The following MBNL2 variants were observed in gnomAD, a reference collection of about 807,000 sequenced individuals.
MBNL2 encodes the protein muscleblind like splicing regulator 2, also known as muscleblind-like protein 2.
Under a neutral mutation model 41.9 loss-of-function variants are expected in MBNL2, and 17 were observed. The observed-to-expected ratio is 0.41, with a 90% CI of 0.28 to 0.61. The LOEUF (loss-of-function observed/expected upper bound fraction) is 0.61, where lower values mean the gene tolerates loss of function less well. Among genes scored for constraint, MBNL2 ranks in the 20% least tolerant of loss-of-function variants. MBNL2 has a pLI of 0.35. For missense variants in MBNL2, 336 were observed against 505.6 expected (o/e 0.66, Z 3.22); for synonymous variants, 195 against 182.9 (o/e 1.07, Z -0.53).
At chr13:97,194,014 A>G in the MBNL2 span, among the ~76,000 whole-genome samples, 1 of 152,184 alleles carries the variant, frequency 6.6e-6, no homozygotes, top group African/African-American at 2.4e-5. Context: ...CTTCCACAAC[A>G]TTCTTCACTC....
chr13:97,364,868 CAT>C (rs1177125065), intron 7 of MBNL2, among the ~76,000 whole-genome samples: 1 of 152,174 alleles, frequency 6.6e-6, no homozygotes, highest in East Asian at 1.9e-4. Context: ...GGCATTATCA[CAT>C]GTCATTCTTA....
chr13:97,145,370 AAGAG>A, the MBNL2 span, among the ~76,000 whole-genome samples: 1 of 152,218 alleles, frequency 6.6e-6, no homozygotes, highest in African/African-American at 2.4e-5. Context: ...TTGGTAATGA[AAGAG>A]AGAAAAGAGA....
the MBNL2 span, among the ~76,000 whole-genome samples, chr13:97,169,740 G>T: frequency 6.6e-6 from 1 of 152,148 alleles, no homozygotes; most frequent in Non-Finnish European, 1.5e-5. Context: ...TTATGACTGT[G>T]CCAATCTTTC....
At chr13:97,236,418 G>A (rs1399160820) in intron 1 of MBNL2, among the ~76,000 whole-genome samples, 3 of 152,038 alleles carry the variant, frequency 2.0e-5, no homozygotes, top group African/African-American at 7.2e-5. Context: ...GTGCTCCTGG[G>A]GCTCTGCTAA....
Position 97,392,771 on chromosome 13 carries a change from C to G in MBNL2, c.*1322C>G, listed in dbSNP as rs1454525770. The G allele has an allele frequency of 6.6e-6, 1 of 152,150 alleles. No homozygotes were observed. The highest frequency in any genetic ancestry group is 2.1e-4 in the South Asian group (1 of 4,814). 9.4% of individuals were successfully genotyped at this position (152,150 alleles called of 1,614,324 possible). A position where few individuals can be genotyped will look rare whatever the true frequency, so the allele number is the denominator to read the frequency against. ...TATGTTGCACATAGCCTATACAGTA[C>G]CTACATAGTTTTTAAATTATTGTTT... On this transcript the variant is annotated 3_prime_UTR_variant, in exon 9 of 9. Coordinates refer to ENST00000679496, the MANE Select transcript of MBNL2 (RefSeq NM_001382683.1).
At chr13:97,173,135 G>A in the MBNL2 span, among the ~76,000 whole-genome samples, 15 of 152,170 alleles carry the variant, frequency 9.9e-5, no homozygotes, top group Non-Finnish European at 1.3e-4. Context: ...ATAATATAAC[G>A]ATGAATGGAT....
intron 3 of MBNL2, among the ~76,000 whole-genome samples, chr13:97,339,946 A>G (rs556702158): frequency 6.6e-6 from 1 of 151,372 alleles, no homozygotes; most frequent in African/African-American, 2.4e-5. Flanking sequence ...AGAAGAGTGG[A>G]CATGGCCTCA....
At chr13:97,187,241 A>G in the MBNL2 span, among the ~76,000 whole-genome samples, 1 of 152,160 alleles carries the variant, frequency 6.6e-6, no homozygotes, top group Non-Finnish European at 1.5e-5. Context: ...CTGTTTATAA[A>G]AGATAGTCTT....
At chr13:97,245,108 C>A (rs79490661) in intron 1 of MBNL2, among the ~76,000 whole-genome samples, 2 of 152,066 alleles carry the variant, frequency 1.3e-5, no homozygotes, top group East Asian at 3.9e-4. Flanking sequence ...GTAAATATTC[C>A]CATTAGGATT....
the MBNL2 span, among the ~76,000 whole-genome samples, chr13:97,212,636 G>A: frequency 1.3e-5 from 2 of 152,146 alleles, no homozygotes; most frequent in Non-Finnish European, 2.9e-5. Flanking sequence ...CCCTGGAAAG[G>A]TTACTTAATC....
chr13:97,341,387 C>T (rs1317431041), intron 3 of MBNL2, among the ~76,000 whole-genome samples: 1 of 152,148 alleles, frequency 6.6e-6, no homozygotes, highest in Non-Finnish European at 1.5e-5. Flanking sequence ...AGTCCGTAAA[C>T]CATTTAAATC....
the MBNL2 span, among the ~76,000 whole-genome samples, chr13:97,214,173 A>G: frequency 6.9e-6 from 1 of 145,610 alleles, no homozygotes; most frequent in East Asian, 2.0e-4. Context: ...AGCATCAAAG[A>G]AATAGAAAAT....
rs1310746264 is a variant in MBNL2, at chr13:97,334,142, G to GCACACC, written c.175-128_175-123dup. ...CCAACAAACACATGAGCATGCGCGC[G>GCACACC]CACACCCACACACACACACACACAC... On this transcript the variant is annotated intron_variant, in intron 2 of 8. Transcript: ENST00000679496. The surrounding 1 kb of genome is among the most constrained non-coding windows in gnomAD (Gnocchi z 5.3). 5.3e-4 allele frequency: 198 copies of GCACACC among 371,842 alleles called. No individual in the cohort carries two copies. Among genetic ancestry groups the GCACACC allele is most frequent in the Non-Finnish European group, 7.8e-4 (166 of 212,614 alleles). 23.0% of individuals were successfully genotyped at this position (371,842 alleles called of 1,614,324 possible).
At chr13:97,313,918 G>C (rs916980547) in intron 2 of MBNL2, among the ~76,000 whole-genome samples, 1 of 152,170 alleles carries the variant, frequency 6.6e-6, no homozygotes, top group Non-Finnish European at 1.5e-5. Context: ...TTGGGAGTTT[G>C]ACATAATGCA....
the MBNL2 span, among the ~76,000 whole-genome samples, chr13:97,182,453 CTTCCTCCACT>C: frequency 6.6e-6 from 1 of 152,130 alleles, no homozygotes; most frequent in Non-Finnish European, 1.5e-5. Flanking sequence ...TTTCCTCTAC[CTTCCTCCACT>C]ATCTTATATG....
intron 2 of MBNL2, among the ~76,000 whole-genome samples, chr13:97,319,943 A>G (rs921000183): frequency 6.6e-6 from 1 of 152,154 alleles, no homozygotes; most frequent in Admixed American, 6.5e-5. Context: ...GGGGGTTGTT[A>G]TAGTTTATTT....
chr13:97,297,173 A>G (rs1337846088), intron 2 of MBNL2, among the ~76,000 whole-genome samples: 1 of 152,004 alleles, frequency 6.6e-6, no homozygotes, highest in African/African-American at 2.4e-5. Flanking sequence ...TTCTTCCTCC[A>G]TCTCTGCCTT....
chr13:97,211,269 C>T, the MBNL2 span, among the ~76,000 whole-genome samples: 1 of 152,048 alleles, frequency 6.6e-6, no homozygotes, highest in Non-Finnish European at 1.5e-5. Flanking sequence ...GACTGCTTTG[C>T]GAAATAAAAT....
chr13:97,342,960 T>A, intron 3 of MBNL2, 56 bp from the exon 4 acceptor site: 1 of 1,143,078 alleles, frequency 8.7e-7, no homozygotes, highest in Non-Finnish European at 1.3e-6. Context: ...TTGCTGGTAA[T>A]TTTTTAAAGT....
Sources: gnomAD v4.1 joint callset for allele counts (sites outside exome capture counted in the v4.1 genomes callset) on GRCh38, gnomAD v4.1.1 for gene constraint, Gnocchi (gnomAD v3.1) non-coding constraint, MANE v1.5 for transcripts, NCBI Gene and HGNC (gene_info 2026-07-23, HGNC 2026-07-21) for gene names.